Variants in CLSTN2 observed in about 807,000 individuals in gnomAD.
CLSTN2 encodes calsyntenin 2, also known as calsyntenin-2.
In CLSTN2, 48 loss-of-function variants were observed where a neutral mutation model predicts 101.2. The observed-to-expected ratio is 0.47, with a 90% CI of 0.38 to 0.60. CLSTN2 has a LOEUF of 0.60. Ranked by LOEUF, CLSTN2 falls within the 20% of genes least tolerant of loss-of-function variation. CLSTN2 has a pLI of 0.00. For synonymous variants in CLSTN2, 481 were observed against 463.6 expected (o/e 1.04, Z -0.48); for missense variants, 1,160 against 1,238.2 (o/e 0.94, Z 0.95).
At chr3:140,248,993 A>C (rs1246213194) in intron 2 of CLSTN2, among the ~76,000 whole-genome samples, 1 of 152,146 alleles carries the variant, frequency 6.6e-6, no homozygotes, top group Non-Finnish European at 1.5e-5. Flanking sequence ...ATGGGAGTTC[A>C]GTTATCTATT....
intron 1 of CLSTN2, among the ~76,000 whole-genome samples, chr3:139,962,109 T>C (rs1935521428): frequency 6.6e-6 from 1 of 152,190 alleles, no homozygotes; most frequent in African/African-American, 2.4e-5. Context: ...AAAAATTTTG[T>C]AACTTATTTT....
chr3:140,453,895 A>G (rs1490191531), intron 6 of CLSTN2, among the ~76,000 whole-genome samples: 1 of 152,198 alleles, frequency 6.6e-6, no homozygotes, highest in East Asian at 1.9e-4. Flanking sequence ...GTTCTCACTA[A>G]TAACCACCAT....
intron 8 of CLSTN2, among the ~76,000 whole-genome samples, chr3:140,526,310 T>C (rs1935135689): frequency 6.6e-6 from 1 of 152,018 alleles, no homozygotes; most frequent in African/African-American, 2.4e-5. Context: ...CAATCCCATC[T>C]ACAATAGCCA....
At chr3:140,438,338 C>T (rs1220788567) in intron 5 of CLSTN2, among the ~76,000 whole-genome samples, 1 of 143,960 alleles carries the variant, frequency 6.9e-6, no homozygotes, top group Non-Finnish European at 1.5e-5. Flanking sequence ...GTATTTCCTG[C>T]AGAAGTGAGA....
At chr3:139,992,383 T>A (rs1936129837) in intron 1 of CLSTN2, among the ~76,000 whole-genome samples, 2 of 152,134 alleles carry the variant, frequency 1.3e-5, no homozygotes, top group South Asian at 4.1e-4. Context: ...TACTCTTACG[T>A]CCTGAGACAT....
chr3:140,263,868 A>T (rs1479027751), intron 2 of CLSTN2, among the ~76,000 whole-genome samples: 2 of 152,200 alleles, frequency 1.3e-5, no homozygotes, highest in Non-Finnish European at 2.9e-5. Context: ...ACTGGAGCTG[A>T]AGTCCTCCAG....
intron 2 of CLSTN2, among the ~76,000 whole-genome samples, chr3:140,340,528 T>A (rs1299641839): frequency 6.6e-6 from 1 of 152,242 alleles, no homozygotes; most frequent in Non-Finnish European, 1.5e-5. Context: ...CTTTTGTTGT[T>A]TAATAGACTT....
At chr3:140,278,746 G>A (rs575442913) in intron 2 of CLSTN2, among the ~76,000 whole-genome samples, 5 of 152,218 alleles carry the variant, frequency 3.3e-5, no homozygotes, top group Non-Finnish European at 7.4e-5. Context: ...TTAGAGACAG[G>A]GTCTCACTCT....
intron 6 of CLSTN2, 97 bp downstream of exon 6, chr3:140,448,801 C>A: frequency 9.2e-7 from 1 of 1,087,784 alleles, no homozygotes; most frequent in South Asian, 1.5e-5. Flanking sequence ...AATCAACCCT[C>A]CCTTCCTGCA....
chr3:140,367,320 G>T (rs2087802309), intron 2 of CLSTN2, among the ~76,000 whole-genome samples: 1 of 152,032 alleles, frequency 6.6e-6, no homozygotes, highest in East Asian at 1.9e-4. Context: ...CGAGACCATC[G>T]TGGCCAGTAT....
At chr3:140,376,346 G>A (rs1172999667) in intron 2 of CLSTN2, among the ~76,000 whole-genome samples, 1 of 152,200 alleles carries the variant, frequency 6.6e-6, no homozygotes, top group Non-Finnish European at 1.5e-5. Context: ...GCCCCTTCTA[G>A]GCTGCTGCAG....
At chr3:140,307,092 G>A (rs1021687796) in intron 2 of CLSTN2, among the ~76,000 whole-genome samples, 2 of 151,912 alleles carry the variant, frequency 1.3e-5, no homozygotes, top group African/African-American at 2.4e-5. Flanking sequence ...CCCTGCACAA[G>A]CTCTCTCTCT....
At chr3:140,555,036 C>T (rs557426062) in intron 10 of CLSTN2, among the ~76,000 whole-genome samples, 1 of 152,268 alleles carries the variant, frequency 6.6e-6, no homozygotes, top group Non-Finnish European at 1.5e-5. Context: ...CTTATACAAC[C>T]AAATTTTATT....
intron 9 of CLSTN2, among the ~76,000 whole-genome samples, chr3:140,543,284 T>G (rs1284204188): frequency 6.6e-6 from 1 of 152,158 alleles, no homozygotes; most frequent in East Asian, 1.9e-4. Context: ...GATGCCCTTT[T>G]GCTGGGACGG....
intron 1 of CLSTN2, among the ~76,000 whole-genome samples, chr3:140,159,881 G>C (rs183775507): frequency 2.0e-5 from 3 of 152,210 alleles, no homozygotes; most frequent in Non-Finnish European, 1.5e-5. Flanking sequence ...TGCAGCTGGA[G>C]GCCATTATCC....
intron 2 of CLSTN2, among the ~76,000 whole-genome samples, chr3:140,366,351 C>G (rs142776259): frequency 6.6e-6 from 1 of 152,370 alleles, no homozygotes; most frequent in African/African-American, 2.4e-5. Context: ...TTATTTGTCT[C>G]TCCTGGAACC....
chr3:140,253,553 C>T (rs1386523991), intron 2 of CLSTN2, among the ~76,000 whole-genome samples: 1 of 152,104 alleles, frequency 6.6e-6, no homozygotes, highest in Admixed American at 6.6e-5. Flanking sequence ...GAGCACAGGC[C>T]CCTGACATGT....
At chr3:140,075,583 T>G (rs1560087327) in intron 1 of CLSTN2, among the ~76,000 whole-genome samples, 1 of 152,220 alleles carries the variant, frequency 6.6e-6, no homozygotes, top group Non-Finnish European at 1.5e-5. Context: ...TCATTATCTC[T>G]GCTCCTTATG....
intron 1 of CLSTN2, among the ~76,000 whole-genome samples, chr3:140,145,972 C>A (rs114763949): frequency 6.6e-6 from 1 of 152,208 alleles, no homozygotes; most frequent in Non-Finnish European, 1.5e-5. Flanking sequence ...AGAAGCCTAC[C>A]TTGTTTCTGG....
Sources: gnomAD v4.1 joint callset for allele counts (sites outside exome capture counted in the v4.1 genomes callset) on GRCh38, gnomAD v4.1.1 for gene constraint, MANE v1.5 for transcripts, NCBI Gene and HGNC (gene_info 2026-07-23, HGNC 2026-07-21) for gene names.